The following GPALPP1 variants were observed in gnomAD, a reference collection of about 807,000 sequenced individuals.
GPALPP1 encodes GPALPP motifs containing 1, also known as GPALPP motifs-containing protein 1.
In GPALPP1, 30 loss-of-function variants were observed where a neutral mutation model predicts 38.9. The ratio of observed to expected loss-of-function variants is 0.77; its 90% confidence interval spans 0.58 to 1.05. The LOEUF (loss-of-function observed/expected upper bound fraction) is 1.05, where lower values mean the gene tolerates loss of function less well. GPALPP1 is among the 50% of genes least tolerant of loss of function. The pLI is 0.00. For missense variants in GPALPP1, 384 were observed against 408.8 expected (o/e 0.94, Z 0.52); for synonymous variants, 120 against 139.2 (o/e 0.86, Z 0.97).
At chr13:44,996,766 A>C (rs938585155) in intron 1 of GPALPP1, among the ~76,000 whole-genome samples, 1 of 137,260 alleles carries the variant, frequency 7.3e-6, no homozygotes, top group Non-Finnish European at 1.5e-5. Flanking sequence ...TACAGGCGTG[A>C]GCCACTGTGC....
At chr13:45,011,474 G>T (rs973539454) in intron 4 of GPALPP1, among the ~76,000 whole-genome samples, 5 of 152,096 alleles carry the variant, frequency 3.3e-5, no homozygotes, top group African/African-American at 1.2e-4. Flanking sequence ...CTACAATCAC[G>T]GTGGAAGGGG....
chr13:45,005,982 C>T (rs1178094115), intron 2 of GPALPP1, among the ~76,000 whole-genome samples: 2 of 151,336 alleles, frequency 1.3e-5, no homozygotes, highest in South Asian at 2.1e-4. Context: ...GCCAACATCA[C>T]GCCACTGCAC....
At chr13:44,995,378 A>G (rs1228445678) in intron 1 of GPALPP1, among the ~76,000 whole-genome samples, 1 of 151,978 alleles carries the variant, frequency 6.6e-6, no homozygotes, top group African/African-American at 2.4e-5. Context: ...CTTTTAAGTG[A>G]TGATATTCCC....
intron 6 of GPALPP1, among the ~76,000 whole-genome samples, chr13:45,019,090 T>TA (rs1491550094): frequency 7.8e-6 from 1 of 128,602 alleles, no homozygotes; most frequent in South Asian, 2.3e-4. Flanking sequence ...TAAATATATG[T>TA]ATATATATTT....
At chr13:44,992,238 A>G (rs1000908133) in intron 1 of GPALPP1, among the ~76,000 whole-genome samples, 7 of 152,288 alleles carry the variant, frequency 4.6e-5, no homozygotes, top group Admixed American at 2.6e-4. Context: ...CCTGGTGACA[A>G]ATGAAATTGA....
chr13:45,012,878 G>C lies in GPALPP1; in HGVS notation c.409-2074G>C, dbSNP rs189070229. Among the ~76,000 whole-genome samples the C allele has an allele frequency of 5.9e-3, 905 of 152,170 alleles. 12 individuals are homozygous for C. Among genetic ancestry groups the C allele is most frequent in the Non-Finnish European group, 6.9e-3 (468 of 67,998 alleles). Reference sequence around the variant, plus strand: ...TTAAGACATACACAATAATATTAATGGTTGACATTTCTTGAGCACTTACCA... The same window carrying C: ...TTAAGACATACACAATAATATTAATCGTTGACATTTCTTGAGCACTTACCA... On this transcript the variant is annotated intron_variant, in intron 4 of 7. Coordinates refer to ENST00000379151, the MANE Select transcript of GPALPP1 (RefSeq NM_018559.5).
chr13:45,009,278 C>A (rs1874314276), intron 4 of GPALPP1, among the ~76,000 whole-genome samples: 1 of 152,068 alleles, frequency 6.6e-6, no homozygotes, highest in African/African-American at 2.4e-5. Context: ...CCTAACTAAG[C>A]TTTAGTATCT....
intron 7 of GPALPP1, among the ~76,000 whole-genome samples, chr13:45,022,176 GA>G (rs1407569469): frequency 6.6e-6 from 1 of 152,142 alleles, no homozygotes; most frequent in Non-Finnish European, 1.5e-5. Flanking sequence ...CATACTGAGT[GA>G]AAGAAATCTT....
chr13:45,007,684 T>C (rs1225461147), intron 3 of GPALPP1, among the ~76,000 whole-genome samples: 1 of 152,204 alleles, frequency 6.6e-6, no homozygotes, highest in Admixed American at 6.5e-5. Context: ...TTTCTGACTG[T>C]CAGTACTGTT....
At chr13:45,000,331 G>A (rs949236080) in intron 1 of GPALPP1, among the ~76,000 whole-genome samples, 5 of 152,194 alleles carry the variant, frequency 3.3e-5, no homozygotes, top group African/African-American at 1.2e-4. Flanking sequence ...GCAGGAGGCC[G>A]AGATGGGAGG....
At chr13:45,027,171 C>A (rs1875891306) in intron 7 of GPALPP1, among the ~76,000 whole-genome samples, 1 of 152,158 alleles carries the variant, frequency 6.6e-6, no homozygotes. Context: ...CAGGACTGTT[C>A]TATCCTTTAC....
intron 4 of GPALPP1, among the ~76,000 whole-genome samples, chr13:45,012,404 G>T (rs1874544517): frequency 6.6e-6 from 1 of 152,078 alleles, no homozygotes; most frequent in South Asian, 2.1e-4. Context: ...AAAAATGAAT[G>T]TGTTAAAATG....
intron 2 of GPALPP1, chr13:45,005,257 C>T (rs1366249701): frequency 6.6e-6 from 1 of 150,826 alleles, no homozygotes; most frequent in Non-Finnish European, 1.5e-5. Flanking sequence ...TGCCACCATA[C>T]CTGGCTAATT....
At chr13:45,031,401 CAT>C (rs1206802830), downstream of GPALPP1, 1 of 152,126 alleles carries the variant, frequency 6.6e-6, no homozygotes, top group African/African-American at 2.4e-5. Flanking sequence ...AAATTCTTAA[CAT>C]ATATTTTTGA....
At chr13:44,997,502 C>T (rs1423809487) in intron 1 of GPALPP1, among the ~76,000 whole-genome samples, 3 of 152,090 alleles carry the variant, frequency 2.0e-5, no homozygotes, top group African/African-American at 7.2e-5. Context: ...TGACCTTCAC[C>T]TCCACTAATT....
At chr13:45,010,379 C>T (rs1311309409) in intron 4 of GPALPP1, among the ~76,000 whole-genome samples, 1 of 152,010 alleles carries the variant, frequency 6.6e-6, no homozygotes, top group Non-Finnish European at 1.5e-5. Context: ...TAATTTTCCC[C>T]ATAGTATTTA....
intron 6 of GPALPP1, among the ~76,000 whole-genome samples, chr13:45,019,083 A>ATATATGTATATATATTTATATATATT (rs1566082173): frequency 1.7e-5 from 2 of 118,570 alleles, no homozygotes; most frequent in African/African-American, 6.8e-5. Flanking sequence ...ATACATATAA[A>ATATATGTATATATATTTATATATATT]TATATGTATA....
rs754002677 is a variant in GPALPP1, at chr13:44,989,752, G to T, written c.88+10G>T. The stretch of plus-strand genomic sequence containing the variant: ...CGGGACCCGAGCCCTGGTAAGCGGC[G>T]GCGTCTCCGCTGCCCACCAGGCCCA... On this transcript the variant is annotated intron_variant, in intron 1 of 7. Transcript: ENST00000379151. 1.8e-5 allele frequency: 28 copies of T among 1,599,720 alleles called. No homozygotes were observed. Among genetic ancestry groups the T allele is most frequent in the Non-Finnish European group, 2.1e-5 (25 of 1,174,074 alleles).
At chr13:45,019,246 C>G (rs1875208300) in intron 6 of GPALPP1, among the ~76,000 whole-genome samples, 1 of 151,338 alleles carries the variant, frequency 6.6e-6, no homozygotes, top group Non-Finnish European at 1.5e-5. Flanking sequence ...CTTCCAGGTT[C>G]AAGCAATTCT....
Sources: gnomAD v4.1 joint callset for allele counts (sites outside exome capture counted in the v4.1 genomes callset) on GRCh38, gnomAD v4.1.1 for gene constraint, MANE v1.5 for transcripts, NCBI Gene and HGNC (gene_info 2026-07-23, HGNC 2026-07-21) for gene names.